GARIN2: variants seen among roughly 807,000 people sequenced by gnomAD.
GARIN2 encodes the protein Golgi-associated RAB2 interactor protein 2.
the GARIN2 span, among the ~76,000 whole-genome samples, chr14:67,210,397 A>G: frequency 6.6e-6 from 1 of 152,048 alleles, no homozygotes; most frequent in Non-Finnish European, 1.5e-5. Context: ...ACCCACCTGG[A>G]CAACATAGGG....
chr14:67,213,308 T>A, the GARIN2 span, among the ~76,000 whole-genome samples: 1 of 94,678 alleles, frequency 1.1e-5, no homozygotes. Flanking sequence ...AGGCTATCCC[T>A]CCCCCCTCCC....
chr14:67,218,675 G>C, the GARIN2 span, among the ~76,000 whole-genome samples: 6 of 152,098 alleles, frequency 3.9e-5, no homozygotes, highest in Non-Finnish European at 7.4e-5. Flanking sequence ...AAACATATCT[G>C]TAGGGGATGG....
the GARIN2 span, chr14:67,203,277 A>G: frequency 6.3e-7 from 1 of 1,591,750 alleles, no homozygotes; most frequent in Non-Finnish European, 8.6e-7. Flanking sequence ...TCCTGCAGAG[A>G]AACTAGTGCT....
the GARIN2 span, among the ~76,000 whole-genome samples, chr14:67,222,824 A>G: frequency 6.6e-6 from 1 of 152,150 alleles, no homozygotes; most frequent in Non-Finnish European, 1.5e-5. Flanking sequence ...ACACTATGGA[A>G]GGAACATTTA....
the GARIN2 span, among the ~76,000 whole-genome samples, chr14:67,192,052 G>A: frequency 6.6e-6 from 1 of 152,190 alleles, no homozygotes; most frequent in Non-Finnish European, 1.5e-5. Flanking sequence ...GTGCTAGAAC[G>A]AGCTCATCCA....
At chr14:67,206,975 C>T in the GARIN2 span, among the ~76,000 whole-genome samples, 1 of 151,992 alleles carries the variant, frequency 6.6e-6, no homozygotes, top group Non-Finnish European at 1.5e-5. Flanking sequence ...AGTGATCCAC[C>T]CACCTTGGCA....
At chr14:67,199,226 C>G in the GARIN2 span, 1 of 1,606,174 alleles carries the variant, frequency 6.2e-7, no homozygotes, top group East Asian at 2.2e-5. Context: ...AGCACCAAGG[C>G]TATGACTTTG....
chr14:67,199,984 A>C, the GARIN2 span: 1 of 1,115,482 alleles, frequency 9.0e-7, no homozygotes, highest in South Asian at 1.6e-5. Context: ...GATGTCTCAG[A>C]TGCAGCTGGC....
the GARIN2 span, among the ~76,000 whole-genome samples, chr14:67,219,713 C>G: frequency 6.6e-6 from 1 of 151,912 alleles, no homozygotes; most frequent in Non-Finnish European, 1.5e-5. Context: ...AATTTTAAAG[C>G]TATAAAAGAT....
the GARIN2 span, chr14:67,225,116 A>C: frequency 1.3e-6 from 2 of 1,564,678 alleles, no homozygotes; most frequent in Non-Finnish European, 1.7e-6. Context: ...TTTTCCCTCT[A>C]GTTCTCTCCC....
At chr14:67,217,296 CT>C in the GARIN2 span, among the ~76,000 whole-genome samples, 2,297 of 152,100 alleles carry the variant, frequency 0.015, 26 homozygotes, top group Middle Eastern at 0.088. Context: ...CTATATGCAT[CT>C]TTACAGGTGA....
chr14:67,205,207 G>A, the GARIN2 span: 7 of 999,918 alleles, frequency 7.0e-6, no homozygotes, highest in South Asian at 1.8e-5. Context: ...TACCTACTCC[G>A]AGAAACCTAA....
At chr14:67,204,257 T>C in the GARIN2 span, among the ~76,000 whole-genome samples, 2 of 152,054 alleles carry the variant, frequency 1.3e-5, no homozygotes, top group Non-Finnish European at 2.9e-5. Context: ...AGCAACATGG[T>C]GAAACCTTGT....
At chr14:67,189,841 T>C in the GARIN2 span, 1 of 143,680 alleles carries the variant, frequency 7.0e-6, no homozygotes, top group East Asian at 2.0e-4. Flanking sequence ...TTTTTAATTT[T>C]TTTTTTTTTT....
chr14:67,221,406 A>G, the GARIN2 span, among the ~76,000 whole-genome samples: 2 of 152,174 alleles, frequency 1.3e-5, no homozygotes, highest in Non-Finnish European at 2.9e-5. Context: ...GACCTTATTT[A>G]TTTACACGGC....
the GARIN2 span, among the ~76,000 whole-genome samples, chr14:67,204,055 A>C: frequency 6.6e-6 from 1 of 152,218 alleles, no homozygotes; most frequent in Non-Finnish European, 1.5e-5. Context: ...CATATGATTA[A>C]GATGAGATGG....
chr14:67,222,918 G>C, the GARIN2 span, among the ~76,000 whole-genome samples: 1 of 151,130 alleles, frequency 6.6e-6, no homozygotes, highest in African/African-American at 2.4e-5. Context: ...ACGTACAAGA[G>C]TCAGTCCCAC....
the GARIN2 span, among the ~76,000 whole-genome samples, chr14:67,192,857 C>A: frequency 7.2e-6 from 1 of 139,244 alleles, no homozygotes; most frequent in African/African-American, 2.7e-5. Context: ...TATAGATATA[C>A]AGATATATAT....
the GARIN2 span, chr14:67,199,360 C>G: frequency 6.2e-7 from 1 of 1,614,016 alleles, no homozygotes; most frequent in Non-Finnish European, 8.5e-7. Flanking sequence ...ATGTAGGGGC[C>G]AACATTTTCA....
Sources: allele counts gnomAD v4.1 joint callset (sites outside exome capture counted in the v4.1 genomes callset), GRCh38; gene constraint gnomAD v4.1.1; transcripts MANE v1.5; gene names NCBI Gene and HGNC (gene_info 2026-07-23, HGNC 2026-07-21).